ADGB: variants seen among roughly 807,000 people sequenced by gnomAD.
ADGB encodes calpain-7-like protein.
A neutral mutation model predicts 210.5 loss-of-function variants in ADGB; 172 were observed. That is an observed-to-expected ratio of 0.82 (90% CI 0.72 to 0.93). The LOEUF (loss-of-function observed/expected upper bound fraction) is 0.93, where lower values mean the gene tolerates loss of function less well. ADGB is among the 40% of genes least tolerant of loss of function. The pLI, the probability that ADGB is intolerant of heterozygous loss-of-function variation, is 0.00. For missense variants in ADGB, 2,025 were observed against 1,964.8 expected (o/e 1.03, Z -0.58); for synonymous variants, 658 against 662.7 (o/e 0.99, Z 0.11).
intron 2 of ADGB, among the ~76,000 whole-genome samples, chr6:146,637,271 G>A (rs1370469077): frequency 6.6e-6 from 1 of 151,984 alleles, no homozygotes; most frequent in Non-Finnish European, 1.5e-5. Flanking sequence ...CCTGGGACCT[G>A]TGTCAGTTTC....
intron 1 of ADGB, among the ~76,000 whole-genome samples, chr6:146,616,116 G>A (rs1329749476): frequency 6.6e-6 from 1 of 151,926 alleles, no homozygotes; most frequent in African/African-American, 2.4e-5. Flanking sequence ...TTTAACTGAG[G>A]GTGTAATGGT....
chr6:146,782,278 A>C, intron 30 of ADGB, 86 bp downstream of exon 30: 1 of 1,285,716 alleles, frequency 7.8e-7, no homozygotes. Context: ...TGAGGACAAA[A>C]CCGTGAAACA....
intron 13 of ADGB, among the ~76,000 whole-genome samples, chr6:146,706,026 G>A (rs745562182): frequency 9.9e-5 from 15 of 151,230 alleles, no homozygotes; most frequent in Non-Finnish European, 1.8e-4. Context: ...CTGGGCTCAA[G>A]CAGTCTTCCT....
At position 146,711,358 on chromosome 6, in the gene ADGB, TG is replaced by T. The variant is rs368624022; in HGVS notation, c.1708-4023del. Among the ~76,000 whole-genome samples the T allele has an allele frequency of 4.9e-4, 75 of 152,126 alleles. No homozygotes were observed. In the East Asian group the frequency reaches 0.011, roughly 22 times the overall value. On this transcript the variant is annotated intron_variant, in intron 13 of 35. Coordinates refer to ENST00000397944, the MANE Select transcript of ADGB (RefSeq NM_024694.4). ...CATCAAATATTTTATAAATGCCTGT[TG>T]TTTTTTTTTTTTAAACCACCCCATG...
intron 8 of ADGB, among the ~76,000 whole-genome samples, chr6:146,674,327 A>G (rs1469282951): frequency 2.0e-5 from 3 of 152,134 alleles, no homozygotes; most frequent in African/African-American, 7.2e-5. Context: ...GACAGAATAT[A>G]TATTTGTGAA....
At chr6:146,739,253 G>A (rs1020101071) in intron 23 of ADGB, among the ~76,000 whole-genome samples, 1 of 152,110 alleles carries the variant, frequency 6.6e-6, no homozygotes, top group South Asian at 2.1e-4. Context: ...GTGATTTACA[G>A]GGGTGTCATG....
chr6:146,611,039 G>C (rs995921896), intron 1 of ADGB, among the ~76,000 whole-genome samples: 1 of 152,130 alleles, frequency 6.6e-6, no homozygotes, highest in Non-Finnish European at 1.5e-5. Context: ...TGGCAGTCAA[G>C]GGAGGCTGCA....
At chr6:146,710,192 G>C (rs1408527105) in intron 13 of ADGB, among the ~76,000 whole-genome samples, 3 of 151,212 alleles carry the variant, frequency 2.0e-5, no homozygotes, top group Non-Finnish European at 4.4e-5. Flanking sequence ...TCTGGTTTAA[G>C]AAATTTGCCC....
chr6:146,672,365 G>T lies in ADGB; in HGVS notation c.985G>T (p.Glu329Ter), dbSNP rs1411703971. ...EPGKEGKEGK[E>*]IKDGKEVKDV... is the part of the protein sequence containing the mutation. ...AGGGAAAGAAGGGAAGGAGGGAAAA[G>T]AAATAAAGGATGGAAAGGAAGTAAA... is the stretch of plus-strand genomic sequence containing the variant. The change falls in exon 8 of 36, where the codon GAA (glutamate) becomes TAA (stop). Residue 329 changes from glutamate (E) to a stop codon, truncating the protein, a stop_gained. Coordinates refer to ENST00000397944, the MANE Select transcript of ADGB (RefSeq NM_024694.4). LOFTEE classifies it high-confidence loss of function. The T allele has an allele frequency of 6.4e-7, 1 of 1,551,072 alleles. No individual in the cohort carries two copies.
At chr6:146,607,065 T>C (rs1234065007) in intron 1 of ADGB, among the ~76,000 whole-genome samples, 1 of 152,240 alleles carries the variant, frequency 6.6e-6, no homozygotes, top group Non-Finnish European at 1.5e-5. Context: ...GTGTCATCTC[T>C]GATTTCTTTA....
At chr6:146,794,571 T>C (rs1778011983) in intron 33 of ADGB, among the ~76,000 whole-genome samples, 1 of 152,160 alleles carries the variant, frequency 6.6e-6, no homozygotes, top group Non-Finnish European at 1.5e-5. Flanking sequence ...TAAGCAATTT[T>C]CAATATTAAA....
At chr6:146,700,362 T>C (rs541666760) in intron 12 of ADGB, among the ~76,000 whole-genome samples, 183 of 152,324 alleles carry the variant, frequency 1.2e-3, no homozygotes, top group African/African-American at 4.3e-3. Flanking sequence ...GGAAAAAATA[T>C]CCAAGTTGAT....
At chr6:146,743,255 A>G (rs1416964863) in intron 25 of ADGB, among the ~76,000 whole-genome samples, 2 of 152,192 alleles carry the variant, frequency 1.3e-5, no homozygotes, top group African/African-American at 4.8e-5. Flanking sequence ...AATTCTAGCA[A>G]TGAATTTTGT....
In ADGB at chr6:146,803,820, C is replaced by T. The variant is rs1778169811; in HGVS notation, c.4818+1809C>T. 8.7e-6 allele frequency: 4 copies of T among 461,470 alleles called. No individual in the cohort carries two copies. The East Asian group carries it at 1.0e-4, about 12-fold the overall frequency. 28.6% of individuals were successfully genotyped at this position (461,470 alleles called of 1,614,324 possible). On this transcript the variant is annotated intron_variant, in intron 35 of 35. Transcript: ENST00000397944. Reference sequence around the variant, plus strand: ...GTCCCTCGGCTTCTGGGCCGAGTCCCACTCAGGGCCATTCAAACGCGGCCG... The same window carrying T: ...GTCCCTCGGCTTCTGGGCCGAGTCCTACTCAGGGCCATTCAAACGCGGCCG...
intron 5 of ADGB, among the ~76,000 whole-genome samples, chr6:146,658,609 C>T (rs1220235472): frequency 6.6e-6 from 1 of 152,142 alleles, no homozygotes; most frequent in Non-Finnish European, 1.5e-5. Context: ...TTCAAATTTC[C>T]TCCTGCATAG....
At chr6:146,760,648 T>A (rs923905215) in intron 27 of ADGB, among the ~76,000 whole-genome samples, 3 of 151,964 alleles carry the variant, frequency 2.0e-5, no homozygotes, top group African/African-American at 7.2e-5. Context: ...ATGTCAGTGT[T>A]TGACATATGT....
Position 146,676,414 on chromosome 6 carries a change from C to T in ADGB, c.1189C>T (p.Gln397Ter). The T allele has an allele frequency of 1.3e-6, 2 of 1,542,622 alleles. No homozygotes were observed. Among genetic ancestry groups the T allele is most frequent in the Non-Finnish European group, 1.8e-6 (2 of 1,141,882 alleles). ...LHGSRPSSEV[Q>*]YSVQSLSDCS... ...TGGTTCAAGACCCTCATCAGAAGTG[C>T]AGTACTCTGTGCAGTCCCTATCAGA... Residue 397 changes from glutamine to a stop codon, truncating the protein, a stop_gained, in exon 9 of 36, where the codon CAG (glutamine) becomes TAG (stop). Coordinates refer to ENST00000397944, the MANE Select transcript of ADGB (RefSeq NM_024694.4). LOFTEE classifies it high-confidence loss of function.
intron 7 of ADGB, among the ~76,000 whole-genome samples, chr6:146,669,509 G>A (rs1775978418): frequency 6.6e-6 from 1 of 152,006 alleles, no homozygotes; most frequent in Admixed American, 6.6e-5. Context: ...CAAATCCAGT[G>A]ATCACCTCTC....
At chr6:146,685,012 C>T (rs542416231) in intron 9 of ADGB, among the ~76,000 whole-genome samples, 1 of 151,964 alleles carries the variant, frequency 6.6e-6, no homozygotes, top group Admixed American at 6.6e-5. Context: ...CTTTTGTAAA[C>T]ATAGTATCAA....
Sources: gnomAD v4.1 joint callset for allele counts (sites outside exome capture counted in the v4.1 genomes callset) on GRCh38, gnomAD v4.1.1 for gene constraint, MANE v1.5 for transcripts, NCBI Gene and HGNC (gene_info 2026-07-23, HGNC 2026-07-21) for gene names.